Variants in CDH9 observed in about 807,000 individuals in gnomAD.
The protein encoded by CDH9 is cadherin 9.
In CDH9, 28 loss-of-function variants were observed where a neutral mutation model predicts 70.9. That is an observed-to-expected ratio of 0.40 (90% CI 0.29 to 0.54). CDH9 has a LOEUF of 0.54. CDH9 is among the 20% of genes least tolerant of loss of function. The pLI is 0.59. For synonymous variants in CDH9, 409 were observed against 343.1 expected, an observed-to-expected ratio of 1.19 and a Z score of -2.12; for missense variants, 874 against 984.4, an observed-to-expected ratio of 0.89 and a Z score of 1.50.
At chr5:27,027,054 G>A (rs1743232232) in intron 1 of CDH9, among the ~76,000 whole-genome samples, 3 of 151,880 alleles carry the variant, frequency 2.0e-5, no homozygotes, top group South Asian at 4.1e-4. Context: ...CATTAAAATA[G>A]ATTATGATAT....
At chr5:26,992,874 A>C (rs992870747) in intron 1 of CDH9, among the ~76,000 whole-genome samples, 1 of 152,144 alleles carries the variant, frequency 6.6e-6, no homozygotes, top group Non-Finnish European at 1.5e-5. Context: ...AGGCGGGCGG[A>C]TCACCTGAGG....
intron 2 of CDH9, among the ~76,000 whole-genome samples, chr5:26,945,769 T>C (rs1206028807): frequency 1.3e-5 from 2 of 152,160 alleles, no homozygotes; most frequent in Non-Finnish European, 2.9e-5. Flanking sequence ...TCAATGATAA[T>C]AGCGGAAACC....
At position 26,889,840 on chromosome 5, in the gene CDH9, C is replaced by A; in HGVS notation, c.1508G>T (p.Gly503Val). The A allele has an allele frequency of 6.4e-7, 1 of 1,570,216 alleles. No homozygotes were observed. The highest frequency in any genetic ancestry group is 8.7e-7 in the Non-Finnish European group (1 of 1,145,938). ...ETFVCENAKP[G>V]QLIQTVSVMD... is the part of the protein sequence containing the mutation. ...GTTTTTAATGATTTTATTTACCTGC[C>A]CAGGTTTTGCATTTTCACAAACAAA... is the stretch of plus-strand genomic sequence containing the variant. Residue 503 changes from glycine to valine, a missense_variant, in exon 9 of 12, where the codon GGG becomes GTG. Coordinates refer to ENST00000231021, the MANE Select transcript of CDH9 (RefSeq NM_016279.4).
chr5:26,918,508 T>G (rs536223028), intron 2 of CDH9, among the ~76,000 whole-genome samples: 11 of 152,342 alleles, frequency 7.2e-5, no homozygotes, highest in African/African-American at 2.6e-4. Context: ...TTTCCTCTTT[T>G]TAAAACTAAC....
intron 2 of CDH9, among the ~76,000 whole-genome samples, chr5:26,949,946 T>A (rs1370352941): frequency 6.6e-6 from 1 of 152,228 alleles, no homozygotes; most frequent in Admixed American, 6.5e-5. Flanking sequence ...ATCACTGATG[T>A]CTTTATGGTT....
intron 2 of CDH9, among the ~76,000 whole-genome samples, chr5:26,939,010 T>A (rs192310861): frequency 9.8e-4 from 149 of 152,138 alleles, no homozygotes; most frequent in East Asian, 8.5e-3. Flanking sequence ...TTGTGTGAAA[T>A]TACAATAAAT....
chr5:26,896,716 G>C (rs1240982946), intron 7 of CDH9, among the ~76,000 whole-genome samples: 1 of 151,864 alleles, frequency 6.6e-6, no homozygotes, highest in African/African-American at 2.4e-5. Flanking sequence ...GGAGAAAGTG[G>C]GAAAGAGCTA....
intron 2 of CDH9, among the ~76,000 whole-genome samples, chr5:26,972,030 T>C (rs997814208): frequency 1.3e-5 from 2 of 152,216 alleles, no homozygotes; most frequent in Non-Finnish European, 2.9e-5. Flanking sequence ...GTGAATGTCC[T>C]ATTTTAAAGG....
At chr5:26,996,516 G>C (rs1017745142) in intron 1 of CDH9, among the ~76,000 whole-genome samples, 2 of 151,758 alleles carry the variant, frequency 1.3e-5, no homozygotes, top group Non-Finnish European at 2.9e-5. Context: ...GACAGCTTAG[G>C]TAAGCAAATA....
At chr5:26,893,629 A>G (rs1561185484) in intron 7 of CDH9, among the ~76,000 whole-genome samples, 1 of 152,102 alleles carries the variant, frequency 6.6e-6, no homozygotes, top group Non-Finnish European at 1.5e-5. Flanking sequence ...TAAAGGAGAA[A>G]TAGAAACCTA....
intron 1 of CDH9, among the ~76,000 whole-genome samples, chr5:27,029,156 T>G (rs1743269338): frequency 6.6e-6 from 1 of 151,958 alleles, no homozygotes; most frequent in Non-Finnish European, 1.5e-5. Context: ...TTGGAAACAT[T>G]GAGGAATAAT....
At chr5:26,995,211 T>G in intron 1 of CDH9, among the ~76,000 whole-genome samples, 1 of 152,228 alleles carries the variant, frequency 6.6e-6, no homozygotes, top group Admixed American at 6.5e-5. Context: ...ATTAATTGGT[T>G]AATTCATTAA....
At chr5:26,997,291 G>C (rs896746975) in intron 1 of CDH9, among the ~76,000 whole-genome samples, 1 of 151,778 alleles carries the variant, frequency 6.6e-6, no homozygotes, top group Non-Finnish European at 1.5e-5. Flanking sequence ...GTGTGTGTGT[G>C]TATATATGTC....
intron 3 of CDH9, among the ~76,000 whole-genome samples, chr5:26,914,492 C>T (rs1273625965): frequency 1.3e-5 from 2 of 152,010 alleles, no homozygotes; most frequent in African/African-American, 2.4e-5. Context: ...TCACAGGACT[C>T]CTGTCTAATT....
intron 2 of CDH9, among the ~76,000 whole-genome samples, chr5:26,957,592 G>A (rs1361596051): frequency 6.6e-6 from 1 of 152,078 alleles, no homozygotes; most frequent in African/African-American, 2.4e-5. Flanking sequence ...AACTTGGGAG[G>A]TGGAGGTTGC....
chr5:26,906,912 T>C (rs1740958779), intron 3 of CDH9, 74 bp from the exon 4 acceptor site: 15 of 1,470,216 alleles, frequency 1.0e-5, no homozygotes, highest in Middle Eastern at 1.8e-4. Context: ...CTTAAAAATA[T>C]GTTGCTCTCA....
At chr5:26,882,975 T>C (rs1172258125) in intron 11 of CDH9, among the ~76,000 whole-genome samples, 1 of 140,974 alleles carries the variant, frequency 7.1e-6, no homozygotes. Context: ...TGAAAGATAA[T>C]TAGAAGTATC....
intron 2 of CDH9, among the ~76,000 whole-genome samples, chr5:26,977,885 G>A (rs1357397804): frequency 6.6e-6 from 1 of 152,034 alleles, no homozygotes; most frequent in Non-Finnish European, 1.5e-5. Context: ...ACACTTTGGG[G>A]TTTTCAGTGA....
intron 8 of CDH9, 106 bp downstream of exon 8, chr5:26,890,322 G>T: frequency 1.2e-6 from 1 of 845,930 alleles, no homozygotes; most frequent in Non-Finnish European, 1.9e-6. Flanking sequence ...CTAAGATCTT[G>T]CTAAGGATAC....
Sources: allele counts gnomAD v4.1 joint callset (sites outside exome capture counted in the v4.1 genomes callset), GRCh38; gene constraint gnomAD v4.1.1; transcripts MANE v1.5; gene names NCBI Gene and HGNC (gene_info 2026-07-23, HGNC 2026-07-21).